SETD2: variants seen among roughly 807,000 people sequenced by gnomAD.
SETD2 encodes SET domain containing 2, histone lysine methyltransferase.
In SETD2, 31 loss-of-function variants were observed where a neutral mutation model predicts 242.1. The ratio of observed to expected loss-of-function variants is 0.13; its 90% CI spans 0.10 to 0.17. The LOEUF (loss-of-function observed/expected upper bound fraction) is 0.17. Among genes scored for constraint, SETD2 ranks in the 10% least tolerant of loss-of-function variants. SETD2 has a pLI of 1.00. For missense variants in SETD2, 2,481 were observed against 3,046.3 expected (o/e 0.81, Z 4.37); for synonymous variants, 1,006 against 1,066.5 (o/e 0.94, Z 1.11).
At chr3:47,139,759 A>G (rs900502841) in intron 1 of SETD2, among the ~76,000 whole-genome samples, 18 of 152,334 alleles carry the variant, frequency 1.2e-4, no homozygotes, top group Middle Eastern at 3.4e-3. Context: ...GATGAAAAAT[A>G]TACGTTATTT....
In SETD2 at chr3:47,121,994, G is replaced by A. The variant is rs2043113639; in HGVS notation, c.2642C>T (p.Ser881Leu). The A allele has an allele frequency of 6.2e-7, 1 of 1,613,936 alleles. No homozygotes were observed. Among genetic ancestry groups the A allele is most frequent in the Non-Finnish European group, 8.5e-7 (1 of 1,179,986 alleles). ...TCCTGGTGGAAGACTCTGAAGAGAT[G>A]AAGCAATACCTGAACTCCCAATAGG... Reference protein sequence around the residue: ...YQPIGSSGIASSLQSLPPGIK... With the variant: ...YQPIGSSGIALSLQSLPPGIK... Residue 881 changes from serine to leucine, a missense_variant, in exon 3 of 21, where the codon TCA becomes TTA. By Grantham distance (145) the Ser-to-Leu change is moderately radical. Around this residue, in one of 17 missense-constraint regions of SETD2, gnomAD observed 1,300 missense variants for 1,259.2 expected, o/e 1.03. Transcript: ENST00000409792.
chr3:47,046,805 A>T, intron 15 of SETD2, 184 bp from the exon 16 acceptor site: 1 of 401,218 alleles, frequency 2.5e-6, no homozygotes, highest in Non-Finnish European at 4.3e-6. Context: ...TTTTTTTACT[A>T]ATTCCCTATT....
At chr3:47,140,979 G>C (rs1280945144) in intron 1 of SETD2, among the ~76,000 whole-genome samples, 1 of 152,068 alleles carries the variant, frequency 6.6e-6, no homozygotes, top group Non-Finnish European at 1.5e-5. Flanking sequence ...TTAGACTGTA[G>C]ACTCTAAGCT....
At chr3:47,120,105 G>T in intron 3 of SETD2, 77 bp downstream of exon 3, 1 of 1,165,162 alleles carries the variant, frequency 8.6e-7, no homozygotes, top group Non-Finnish European at 1.2e-6. Context: ...ATCTCATACA[G>T]TCTGAATTGT....
chr3:47,161,148 T>C (rs745344525), intron 1 of SETD2, among the ~76,000 whole-genome samples: 1 of 152,200 alleles, frequency 6.6e-6, no homozygotes, highest in Non-Finnish European at 1.5e-5. Flanking sequence ...AGTCTTTTCA[T>C]CCTCAACTTA....
Position 47,044,757 on chromosome 3 carries a change from C to T in SETD2, c.7098+1730G>A, listed in dbSNP as rs73831471. 1.9e-3 allele frequency among the ~76,000 whole-genome samples: 283 copies of T among 152,232 alleles called. 2 individuals carry two copies. The highest frequency in any genetic ancestry group is 6.5e-3 in the African/African-American group (271 of 41,524). ...TAAAAAACTTTTTTTAAACATTGTA[C>T]AACATGTATAGTGAAGTATATCACA... On this transcript the variant is annotated intron_variant, in intron 16 of 20. Transcript: ENST00000409792.
intron 12 of SETD2, among the ~76,000 whole-genome samples, chr3:47,077,728 T>C (rs1473290967): frequency 6.6e-6 from 1 of 152,188 alleles, no homozygotes; most frequent in East Asian, 1.9e-4. Flanking sequence ...CAAGAGATTC[T>C]TGAAGAAATG....
intron 1 of SETD2, among the ~76,000 whole-genome samples, chr3:47,142,562 C>A (rs2043754826): frequency 6.6e-6 from 1 of 151,658 alleles, no homozygotes; most frequent in South Asian, 2.1e-4. Flanking sequence ...CTGTATACTG[C>A]TCCGGAATGT....
intron 17 of SETD2, among the ~76,000 whole-genome samples, chr3:47,040,160 G>A (rs2039213871): frequency 6.6e-6 from 1 of 151,918 alleles, no homozygotes; most frequent in Non-Finnish European, 1.5e-5. Flanking sequence ...TGTATCTGGA[G>A]TAGAGACGGG....
chr3:47,023,486 A>C (rs2038332004), intron 18 of SETD2, among the ~76,000 whole-genome samples: 1 of 152,180 alleles, frequency 6.6e-6, no homozygotes. Flanking sequence ...ATGAATCCAG[A>C]AGCAGGAGGA....
intron 18 of SETD2, among the ~76,000 whole-genome samples, chr3:47,023,658 T>TTG (rs2038340305): frequency 6.6e-6 from 1 of 152,058 alleles, no homozygotes; most frequent in Non-Finnish European, 1.5e-5. Flanking sequence ...ATAGAAAATA[T>TTG]TGAAAAAAAA....
At chr3:47,022,916 T>A (rs1409807349) in intron 18 of SETD2, among the ~76,000 whole-genome samples, 2 of 152,246 alleles carry the variant, frequency 1.3e-5, no homozygotes, top group Non-Finnish European at 1.5e-5. Context: ...TATTGGGCAG[T>A]TCTGGTAACC....
chr3:47,164,653 T>A (rs967773866), upstream of SETD2: 5 of 152,612 alleles, frequency 3.3e-5, no homozygotes, highest in African/African-American at 1.2e-4. This position sits in a 1 kb window ranked among gnomAD's most constrained non-coding sequence, Gnocchi z 5.4. Context: ...CTCTCTTTTT[T>A]ATTTTTCCTC....
intron 12 of SETD2, among the ~76,000 whole-genome samples, chr3:47,071,380 C>A (rs1487359279): frequency 2.0e-5 from 3 of 152,160 alleles, no homozygotes; most frequent in Non-Finnish European, 2.9e-5. Flanking sequence ...ATAATCAACA[C>A]TCAATTCCTT....
At chr3:47,062,948 A>T (rs1409184983) in intron 13 of SETD2, among the ~76,000 whole-genome samples, 1 of 152,114 alleles carries the variant, frequency 6.6e-6, no homozygotes, top group Non-Finnish European at 1.5e-5. Flanking sequence ...CATCTCTTAA[A>T]ATTAAAAAAG....
At chr3:47,118,754 G>C (rs1217554619) in intron 3 of SETD2, among the ~76,000 whole-genome samples, 5 of 151,450 alleles carry the variant, frequency 3.3e-5, no homozygotes, top group Non-Finnish European at 5.9e-5. Context: ...CCAAATCTAT[G>C]TGCACAGTTT....
intron 11 of SETD2, 99 bp downstream of exon 11, chr3:47,086,096 A>G: frequency 7.6e-7 from 1 of 1,307,568 alleles, no homozygotes; most frequent in Non-Finnish European, 1.1e-6. Context: ...TACCAATGAT[A>G]CAGTGCTAAA....
chr3:47,164,009 G>C lies in SETD2; in HGVS notation c.-85C>G. 8.7e-7 allele frequency: 1 copy of C among 1,155,986 alleles called. No individual in the cohort carries two copies. The highest frequency in any genetic ancestry group is 2.8e-5 in the African/African-American group (1 of 35,136). 71.6% of individuals were successfully genotyped at this position (1,155,986 alleles called of 1,614,324 possible). On this transcript the variant is annotated 5_prime_UTR_variant, in exon 1 of 21. Transcript: ENST00000409792. The surrounding 1 kb of genome is among the most constrained non-coding windows in gnomAD (Gnocchi z 5.4). ...GGGGAGGGGAGGAGGCCGCAGGTCC[G>C]ACCGCGGCGGCGGCGGCGGCGGCGG...
At chr3:47,102,564 G>A (rs907487184) in intron 7 of SETD2, among the ~76,000 whole-genome samples, 1 of 152,186 alleles carries the variant, frequency 6.6e-6, no homozygotes, top group African/African-American at 2.4e-5. Context: ...GCTGACGGGG[G>A]TGGATCGCTT....
Sources: gnomAD v4.1 joint callset for allele counts (sites outside exome capture counted in the v4.1 genomes callset) on GRCh38, gnomAD v4.1.1 for gene constraint, gnomAD v4.1.1 regional missense constraint, Gnocchi (gnomAD v3.1) non-coding constraint, MANE v1.5 for transcripts, NCBI Gene and HGNC (gene_info 2026-07-23, HGNC 2026-07-21) for gene names.